Variants in TRAF3 observed in about 807,000 individuals in gnomAD.
TRAF3 encodes TNF receptor-associated factor 3.
Under a neutral mutation model 62.3 loss-of-function variants are expected in TRAF3, and 13 were observed. That is an observed-to-expected ratio of 0.21 (90% CI 0.14 to 0.33). TRAF3 has a LOEUF of 0.33. Ranked by LOEUF, TRAF3 falls within the 10% of genes least tolerant of loss-of-function variation. TRAF3 has a pLI of 1.00. For missense variants in TRAF3, 440 were observed against 741.8 expected (o/e 0.59, Z 4.73); for synonymous variants, 269 against 283.4 (o/e 0.95, Z 0.51).
chr14:102,894,268 A>C (rs1175483522), intron 9 of TRAF3, among the ~76,000 whole-genome samples: 1 of 152,218 alleles, frequency 6.6e-6, no homozygotes, highest in Non-Finnish European at 1.5e-5. Flanking sequence ...CAGAGGTTGC[A>C]GTGAGCCAAG....
At chr14:102,874,205 T>A (rs531151644) in intron 4 of TRAF3, among the ~76,000 whole-genome samples, 79 of 152,288 alleles carry the variant, frequency 5.2e-4, no homozygotes, top group African/African-American at 1.6e-3. Context: ...TTTAAGGGTG[T>A]AGTGAAGCCA....
intron 2 of TRAF3, among the ~76,000 whole-genome samples, chr14:102,857,805 G>A (rs891579462): frequency 6.6e-6 from 1 of 152,178 alleles, no homozygotes; most frequent in African/African-American, 2.4e-5. Flanking sequence ...CTCTAATTGT[G>A]TCCTGTTGCA....
intron 1 of TRAF3, among the ~76,000 whole-genome samples, chr14:102,824,531 G>T (rs1260943442): frequency 6.6e-6 from 1 of 152,258 alleles, no homozygotes; most frequent in Non-Finnish European, 1.5e-5. Flanking sequence ...CAGGCGGAAT[G>T]CCGATTACTT....
Position 102,886,282 on chromosome 14 carries a change from GGGCCCGGCCGGGA to G in TRAF3, c.651+15_651+27del. ...CCTGAGGAGCGAGGTAGGGGCGGCC[GGGCCCGGCCGGGA>G]GTCTGTGGAGTCCTCAGGGCTGCGT... On this transcript the variant is annotated intron_variant, in intron 7 of 11. Coordinates refer to ENST00000392745, the MANE Select transcript of TRAF3 (RefSeq NM_145725.3). The G allele has an allele frequency of 6.2e-7, 1 of 1,600,474 alleles. No homozygotes were observed. Among genetic ancestry groups the G allele is most frequent in the East Asian group, 2.2e-5 (1 of 44,482 alleles).
intron 2 of TRAF3, among the ~76,000 whole-genome samples, chr14:102,850,143 G>A (rs951300484): frequency 6.6e-6 from 1 of 152,172 alleles, no homozygotes; most frequent in Non-Finnish European, 1.5e-5. Context: ...TTAGGGTAAT[G>A]GAGGCATAGA....
chr14:102,817,900 C>G (rs1566753384), intron 1 of TRAF3, among the ~76,000 whole-genome samples: 1 of 152,154 alleles, frequency 6.6e-6, no homozygotes, highest in Non-Finnish European at 1.5e-5. Flanking sequence ...ATTTTGTTAT[C>G]CATAATAGAG....
chr14:102,778,127 T>C (rs2140036150), intron 1 of TRAF3, among the ~76,000 whole-genome samples: 1 of 150,322 alleles, frequency 6.7e-6, no homozygotes, highest in African/African-American at 2.4e-5. Context: ...CCGGGCGTTA[T>C]TGGAAAGTTG....
intron 4 of TRAF3, among the ~76,000 whole-genome samples, chr14:102,872,967 C>T (rs533876542): frequency 7.5e-4 from 115 of 152,346 alleles, no homozygotes; most frequent in Admixed American, 1.4e-3. Flanking sequence ...GCTGGGATTA[C>T]AGGCATGAGC....
rs187035018 is a variant in TRAF3 at position 102,802,194 on chromosome 14, G to A, written c.-157+24519G>A. 3.3e-3 allele frequency among the ~76,000 whole-genome samples: 348 copies of A among 106,332 alleles called. 7 individuals are homozygous for A. In the East Asian group the frequency reaches 0.044, roughly 13 times the overall value. 69.8% of individuals were successfully genotyped at this position (106,332 alleles called of 152,430 possible). Reference sequence around the variant, plus strand: ...TTTTGAGATGGAGTCTCTCTCTGTCGCCCAGGCTGGAGTGCAGTGGCGCAA... The same window carrying A: ...TTTTGAGATGGAGTCTCTCTCTGTCACCCAGGCTGGAGTGCAGTGGCGCAA... On this transcript the variant is annotated intron_variant, in intron 1 of 11. Transcript: ENST00000392745.
intron 2 of TRAF3, among the ~76,000 whole-genome samples, chr14:102,855,501 T>C (rs1193666445): frequency 6.6e-6 from 1 of 151,978 alleles, no homozygotes; most frequent in South Asian, 2.1e-4. Context: ...TTTCCTTTTT[T>C]AAAAAAATTA....
At chr14:102,879,694 A>G (rs73350739) in intron 6 of TRAF3, among the ~76,000 whole-genome samples, 4,027 of 151,612 alleles carry the variant, frequency 0.027, 181 homozygotes, top group African/African-American at 0.093. Context: ...AACGGCAATT[A>G]CTTTTGCACC....
chr14:102,856,099 A>AAAAAAAAAAAAAAAAAAAAAAAT (rs1566777868), intron 2 of TRAF3, among the ~76,000 whole-genome samples: 1 of 127,906 alleles, frequency 7.8e-6, no homozygotes, highest in Non-Finnish European at 1.6e-5. Context: ...CTGTCTCACA[A>AAAAAAAAAAAAAAAAAAAAAAAT]AAAAAAAAAA....
intron 1 of TRAF3, among the ~76,000 whole-genome samples, chr14:102,807,363 C>T (rs1361725385): frequency 1.3e-5 from 2 of 152,216 alleles, no homozygotes; most frequent in Non-Finnish European, 1.5e-5. Context: ...GGCCTGGGGC[C>T]TCAGTCTCTC....
intron 10 of TRAF3, among the ~76,000 whole-genome samples, chr14:102,902,485 C>T (rs1444488824): frequency 1.3e-5 from 2 of 152,318 alleles, no homozygotes; most frequent in South Asian, 4.1e-4. Context: ...GGCCTTTAGA[C>T]GTTCCAAGGG....
intron 2 of TRAF3, among the ~76,000 whole-genome samples, chr14:102,830,972 A>G (rs1388628490): frequency 6.6e-6 from 1 of 152,206 alleles, no homozygotes; most frequent in Non-Finnish European, 1.5e-5. Flanking sequence ...TTGAAATACA[A>G]ATTGATTTTT....
chr14:102,896,013 G>A (rs188871244), intron 9 of TRAF3, among the ~76,000 whole-genome samples: 15 of 152,268 alleles, frequency 9.9e-5, no homozygotes, highest in African/African-American at 3.1e-4. Flanking sequence ...AAACTGCAGG[G>A]TGTGGCCCCT....
chr14:102,874,743 C>T (rs1325238998), intron 4 of TRAF3, among the ~76,000 whole-genome samples: 2 of 151,888 alleles, frequency 1.3e-5, no homozygotes, highest in Non-Finnish European at 2.9e-5. Flanking sequence ...CTCTACCTGC[C>T]AGGCTAAAGC....
chr14:102,809,454 T>G (rs549561412), intron 1 of TRAF3, among the ~76,000 whole-genome samples: 55 of 151,974 alleles, frequency 3.6e-4, no homozygotes, highest in African/African-American at 1.3e-3. Context: ...TAAAGCTCTG[T>G]GTCTCCTGGA....
intron 1 of TRAF3, among the ~76,000 whole-genome samples, chr14:102,812,913 C>T (rs904642050): frequency 1.3e-5 from 2 of 150,868 alleles, no homozygotes; most frequent in African/African-American, 4.9e-5. Context: ...AGCGAGACTC[C>T]GTCTCAAAAA....
Sources: allele counts gnomAD v4.1 joint callset (sites outside exome capture counted in the v4.1 genomes callset), GRCh38; gene constraint gnomAD v4.1.1; transcripts MANE v1.5; gene names NCBI Gene and HGNC (gene_info 2026-07-23, HGNC 2026-07-21).